The following MACROD2 variants were observed in gnomAD, a reference collection of about 807,000 sequenced individuals.
MACROD2 encodes ADP-ribose glycohydrolase MACROD2.
A neutral mutation model predicts 70.4 loss-of-function variants in MACROD2; 36 were observed. That is an observed-to-expected ratio of 0.51 (90% CI 0.39 to 0.68). The LOEUF (loss-of-function observed/expected upper bound fraction) is 0.68. MACROD2 is among the 30% of genes least tolerant of loss of function. The probability of loss-of-function intolerance (pLI) is 0.00; values close to 1 mark genes in which losing one functional copy is unlikely to be tolerated. For synonymous variants in MACROD2, 172 were observed against 178.8 expected (o/e 0.96, Z 0.30); for missense variants, 496 against 538.4 (o/e 0.92, Z 0.78).
chr20:16,010,866 C>T (rs1424045079), intron 15 of MACROD2, among the ~76,000 whole-genome samples: 1 of 152,216 alleles, frequency 6.6e-6, no homozygotes, highest in Non-Finnish European at 1.5e-5. Context: ...AGCACATAAT[C>T]ATATATGGTC....
At chr20:15,135,538 T>C (rs1275432662) in intron 5 of MACROD2, among the ~76,000 whole-genome samples, 1 of 139,780 alleles carries the variant, frequency 7.2e-6, no homozygotes, top group Non-Finnish European at 1.6e-5. Flanking sequence ...AAACTCTCAA[T>C]AAATTAGGTA....
At position 15,428,792 on chromosome 20, in the gene MACROD2, T is replaced by C. The variant is rs142339455; in HGVS notation, c.541-2613T>C. On this transcript the variant is annotated intron_variant, in intron 6 of 17. Transcript: ENST00000684519. ...TATTGTATTTTTTTTCTTGTTGATCTGTCTTGTGTCAATTTAATTATCAGC... is the reference window on the plus strand; with the variant it reads ...TATTGTATTTTTTTTCTTGTTGATCCGTCTTGTGTCAATTTAATTATCAGC... Among the ~76,000 whole-genome samples, 1,118 of 152,336 alleles carry C rather than the reference T, an allele frequency of 7.3e-3. 18 individuals carry two copies. The highest frequency in any genetic ancestry group is 0.025 in the African/African-American group (1,043 of 41,576).
chr20:15,590,042 A>G lies in MACROD2; in HGVS notation c.645+90195A>G, dbSNP rs550360274. Among the ~76,000 whole-genome samples the G allele has an allele frequency of 1.3e-3, 198 of 152,374 alleles. 1 individual carries two copies. Among genetic ancestry groups the G allele is most frequent in the Non-Finnish European group, 2.5e-3 (169 of 68,030 alleles). The stretch of plus-strand genomic sequence containing the variant: ...ATCACTGTGATATGAGATCATGAAT[A>G]GAGAATAGAAAACCCAGAAGTAGCC... On this transcript the variant is annotated intron_variant, in intron 8 of 17. Coordinates refer to ENST00000684519, the MANE Select transcript of MACROD2 (RefSeq NM_001351661.2).
rs184494655 is a variant in MACROD2, at chr20:15,297,065, G to A, written c.540+67004G>A. Among the ~76,000 whole-genome samples the A allele has an allele frequency of 2.0e-5, 3 of 152,258 alleles. No individual in the cohort carries two copies. The East Asian group carries it at 5.8e-4, about 29-fold the overall frequency. On this transcript the variant is annotated intron_variant, in intron 6 of 17. Coordinates refer to ENST00000684519, the MANE Select transcript of MACROD2 (RefSeq NM_001351661.2). The stretch of plus-strand genomic sequence containing the variant: ...TACCCTGTGGTTTCCAGTGCTGGGC[G>A]GCTTACACAGGAGAAAGGATCCATG...
intron 8 of MACROD2, among the ~76,000 whole-genome samples, chr20:15,607,042 A>G (rs907905043): frequency 3.9e-5 from 6 of 152,034 alleles, no homozygotes; most frequent in East Asian, 1.9e-4. Flanking sequence ...AAGACTGGGC[A>G]TGGTGGCTCA....
intron 4 of MACROD2, among the ~76,000 whole-genome samples, chr20:14,531,243 G>A (rs1298558765): frequency 1.3e-5 from 2 of 152,072 alleles, no homozygotes; most frequent in African/African-American, 2.4e-5. Flanking sequence ...TGGTCTCTGC[G>A]GATACAATTA....
intron 5 of MACROD2, among the ~76,000 whole-genome samples, chr20:15,192,408 C>G (rs1465562220): frequency 6.6e-6 from 1 of 152,202 alleles, no homozygotes; most frequent in African/African-American, 2.4e-5. Context: ...TTGTTCCTTT[C>G]TAGTTGGATT....
At chr20:15,680,882 C>T (rs981482570) in intron 8 of MACROD2, among the ~76,000 whole-genome samples, 41 of 152,090 alleles carry the variant, frequency 2.7e-4, no homozygotes, top group African/African-American at 7.7e-4. Context: ...ATATTAAAGA[C>T]AAAATAGGAG....
chr20:15,682,064 A>G (rs948872492), intron 8 of MACROD2, among the ~76,000 whole-genome samples: 1 of 152,186 alleles, frequency 6.6e-6, no homozygotes, highest in African/African-American at 2.4e-5. Flanking sequence ...TGTTTTGTCA[A>G]TCCTGTGAGA....
At chr20:15,621,649 T>C (rs1279343119) in intron 8 of MACROD2, among the ~76,000 whole-genome samples, 2 of 152,214 alleles carry the variant, frequency 1.3e-5, no homozygotes, top group African/African-American at 4.8e-5. Flanking sequence ...TCTGGTCCTT[T>C]CATGTTCCTG....
At chr20:15,430,525 A>G (rs6110603) in intron 6 of MACROD2, among the ~76,000 whole-genome samples, 21,346 of 151,992 alleles carry the variant, frequency 0.14, 1,665 homozygotes, top group South Asian at 0.28. Flanking sequence ...TTGGCAGAGA[A>G]AGTTGCCATA....
intron 8 of MACROD2, among the ~76,000 whole-genome samples, chr20:15,837,108 T>G (rs1181299575): frequency 6.6e-6 from 1 of 152,116 alleles, no homozygotes; most frequent in Non-Finnish European, 1.5e-5. Context: ...GAAAATAGGT[T>G]TTGATGGACA....
rs151254000 is a variant in MACROD2, at chr20:15,060,747, G to A, written c.419-169193G>A. On this transcript the variant is annotated intron_variant, in intron 5 of 17. Transcript: ENST00000684519. ...TTTAGAACAAAGCTGCCATCAAAGT[G>A]TCTAGCTCTGCATTATGCAATAGAC... 2.8e-3 allele frequency among the ~76,000 whole-genome samples: 431 copies of A among 152,316 alleles called. 1 individual carries two copies. Among genetic ancestry groups the A allele is most frequent in the African/African-American group, 9.6e-3 (398 of 41,560 alleles).
chr20:14,823,377 TA>T (rs564898885), intron 5 of MACROD2, among the ~76,000 whole-genome samples: 122 of 152,240 alleles, frequency 8.0e-4, no homozygotes, highest in African/African-American at 2.6e-3. Flanking sequence ...CCTGAAATAA[TA>T]GTGGCTTAAA....
At chr20:15,523,526 C>T (rs962930079) in intron 8 of MACROD2, among the ~76,000 whole-genome samples, 1 of 152,026 alleles carries the variant, frequency 6.6e-6, no homozygotes, top group African/African-American at 2.4e-5. Context: ...TTCTGTGCAC[C>T]AGTAGGGAAA....
At chr20:14,777,398 T>C (rs2123780219) in intron 5 of MACROD2, among the ~76,000 whole-genome samples, 1 of 152,110 alleles carries the variant, frequency 6.6e-6, no homozygotes, top group African/African-American at 2.4e-5. Context: ...CCAAGATGGC[T>C]GAGAGCAGGA....
intron 5 of MACROD2, among the ~76,000 whole-genome samples, chr20:14,901,795 C>T (rs1197567668): frequency 6.6e-6 from 1 of 152,128 alleles, no homozygotes; most frequent in African/African-American, 2.4e-5. Flanking sequence ...ATTTGCCAGA[C>T]AGAGGAATGA....
At chr20:14,058,491 T>G (rs1465037822) in intron 2 of MACROD2, among the ~76,000 whole-genome samples, 2 of 151,862 alleles carry the variant, frequency 1.3e-5, no homozygotes, top group African/African-American at 4.8e-5. Flanking sequence ...TTGTTTTTAT[T>G]TTCATTTGTT....
intron 2 of MACROD2, among the ~76,000 whole-genome samples, chr20:14,014,229 TC>T (rs577300457): frequency 5.7e-3 from 302 of 53,066 alleles, no homozygotes; most frequent in African/African-American, 0.017. Context: ...TGCTCCCCCC[TC>T]CCCCCCACCC....
Sources: allele counts gnomAD v4.1 joint callset (sites outside exome capture counted in the v4.1 genomes callset), GRCh38; gene constraint gnomAD v4.1.1; transcripts MANE v1.5; gene names NCBI Gene and HGNC (gene_info 2026-07-23, HGNC 2026-07-21).